PPDPFL: variants seen among roughly 807,000 people sequenced by gnomAD.
PPDPFL encodes the protein pancreatic progenitor cell differentiation and proliferation factor-like protein.
PPDPFL carries 12 observed loss-of-function variants against 12.6 expected under a neutral mutation model. The ratio of observed to expected loss-of-function variants is 0.95; its 90% CI spans 0.61 to 1.54. PPDPFL has a LOEUF of 1.54. Among genes scored for constraint, PPDPFL ranks in the 40% most tolerant of loss-of-function variants. The pLI is 0.00. For synonymous variants in PPDPFL, 24 were observed against 32.7 expected, an observed-to-expected ratio of 0.73 and a Z score of 0.91; for missense variants, 114 against 96.0, an observed-to-expected ratio of 1.19 and a Z score of -0.78.
upstream of PPDPFL, among the ~76,000 whole-genome samples, chr8:49,071,277 C>T (rs2129245667): frequency 6.6e-6 from 1 of 152,340 alleles, no homozygotes; most frequent in South Asian, 2.1e-4. Flanking sequence ...CCAATAGCCA[C>T]TGAACAAATC....
chr8:49,057,480 T>A (rs912263483), intron 1 of PPDPFL, among the ~76,000 whole-genome samples: 5 of 152,174 alleles, frequency 3.3e-5, no homozygotes, highest in African/African-American at 1.2e-4. Context: ...TACAAAATAA[T>A]ATGAGTGAGT....
At chr8:49,059,690 T>G (rs1585669976) in intron 1 of PPDPFL, among the ~76,000 whole-genome samples, 1 of 152,350 alleles carries the variant, frequency 6.6e-6, no homozygotes, top group East Asian at 1.9e-4. Flanking sequence ...TTTAGAAAAT[T>G]GTCTATGATT....
At chr8:49,070,896 C>A (rs1808374248), upstream of PPDPFL, among the ~76,000 whole-genome samples, 1 of 151,948 alleles carries the variant, frequency 6.6e-6, no homozygotes, top group Non-Finnish European at 1.5e-5. Context: ...GTTAAGAGCA[C>A]CTGAAATCTG....
intron 1 of PPDPFL, among the ~76,000 whole-genome samples, chr8:49,056,967 A>T (rs1808120537): frequency 6.6e-6 from 1 of 152,108 alleles, no homozygotes; most frequent in Admixed American, 6.6e-5. Flanking sequence ...ATGCACAGAT[A>T]CCCCGTTTCT....
intron 1 of PPDPFL, among the ~76,000 whole-genome samples, chr8:49,056,784 T>G (rs927117779): frequency 6.6e-6 from 1 of 152,204 alleles, no homozygotes; most frequent in Non-Finnish European, 1.5e-5. Flanking sequence ...AACTTTCCAT[T>G]TTGTGATAGA....
chr8:49,068,294 T>C (rs1377640879), upstream of PPDPFL, among the ~76,000 whole-genome samples: 1 of 152,134 alleles, frequency 6.6e-6, no homozygotes, highest in Non-Finnish European at 1.5e-5. Context: ...ACACAAAAAC[T>C]AGGGTCAGGT....
At chr8:49,071,641 G>A (rs1315200078), upstream of PPDPFL, among the ~76,000 whole-genome samples, 1 of 151,784 alleles carries the variant, frequency 6.6e-6, no homozygotes, top group African/African-American at 2.4e-5. Context: ...GGGCGACAGA[G>A]TGAGACTCCG....
At chr8:49,057,354 G>A (rs1456034833) in intron 1 of PPDPFL, among the ~76,000 whole-genome samples, 2 of 151,986 alleles carry the variant, frequency 1.3e-5, no homozygotes, top group African/African-American at 4.8e-5. Flanking sequence ...TTTATCTCTT[G>A]TATGAAAAAT....
At chr8:49,064,163 G>A (rs1196728137) in intron 1 of PPDPFL, among the ~76,000 whole-genome samples, 1 of 152,070 alleles carries the variant, frequency 6.6e-6, no homozygotes, top group Non-Finnish European at 1.5e-5. Context: ...TCATTCCCAG[G>A]TACAGCCAAG....
At position 49,075,589 on chromosome 8, in the gene PPDPFL, TAA is replaced by T. The variant is rs1808483703; in HGVS notation, c.*417_*418del. On this transcript the variant is annotated 3_prime_UTR_variant, in exon 5 of 5. Transcript: ENST00000522267. ...TTATATCATTTTTATTAAAAAAACT[TAA>T]GTTAGACTCTTTTTCTGTCTGTTGA... 2 of 305,898 alleles carry T rather than the reference TAA, an allele frequency of 6.5e-6. No individual in the cohort carries two copies. The highest frequency in any genetic ancestry group is 6.4e-5 in the East Asian group (1 of 15,564). 18.9% of individuals were successfully genotyped at this position (305,898 alleles called of 1,614,324 possible).
intron 4 of PPDPFL, chr8:49,074,930 G>A (rs1563302410): frequency 1.5e-6 from 2 of 1,379,068 alleles, no homozygotes; most frequent in East Asian, 2.5e-5. Flanking sequence ...AGATGCCAAT[G>A]TTGAAATATA....
chr8:49,075,030 C>T (rs1585677640), intron 4 of PPDPFL, 122 bp from the exon 5 acceptor site: 1 of 1,462,706 alleles, frequency 6.8e-7, no homozygotes, highest in East Asian at 2.5e-5. Context: ...AAAGCCAATG[C>T]AAGATTGATT....
chr8:49,056,543 A>G (rs2129243223), intron 1 of PPDPFL, among the ~76,000 whole-genome samples: 1 of 152,318 alleles, frequency 6.6e-6, no homozygotes, highest in South Asian at 2.1e-4. Flanking sequence ...TTCACATCAT[A>G]ATAAGCCCTG....
chr8:49,065,912 C>G (rs1808291992), intron 1 of PPDPFL, among the ~76,000 whole-genome samples: 1 of 152,208 alleles, frequency 6.6e-6, no homozygotes, highest in East Asian at 1.9e-4. Flanking sequence ...TCTCTTATAA[C>G]AATAAGAACA....
chr8:49,058,027 C>A (rs1808139033), intron 1 of PPDPFL, among the ~76,000 whole-genome samples: 1 of 151,954 alleles, frequency 6.6e-6, no homozygotes, highest in Admixed American at 6.6e-5. Flanking sequence ...TTTTCCTTAC[C>A]TCAGCACATT....
chr8:49,071,420 G>A (rs1405901135), upstream of PPDPFL, among the ~76,000 whole-genome samples: 1 of 152,172 alleles, frequency 6.6e-6, no homozygotes, highest in East Asian at 1.9e-4. Flanking sequence ...CACTTTGGGA[G>A]GCTGAGGCGG....
chr8:49,064,210 C>G (rs1419406911), intron 1 of PPDPFL, among the ~76,000 whole-genome samples: 1 of 152,156 alleles, frequency 6.6e-6, no homozygotes, highest in Admixed American at 6.5e-5. Context: ...TGGAACTGCA[C>G]CTTTCCCACA....
chr8:49,062,430 A>G (rs1160647125), intron 1 of PPDPFL, among the ~76,000 whole-genome samples: 3 of 152,206 alleles, frequency 2.0e-5, no homozygotes, highest in Non-Finnish European at 2.9e-5. Context: ...AGTAATGTGC[A>G]TGCTGGAGTG....
chr8:49,056,279 G>A (rs969876216), intron 1 of PPDPFL, among the ~76,000 whole-genome samples: 1 of 152,056 alleles, frequency 6.6e-6, no homozygotes, highest in Admixed American at 6.6e-5. Flanking sequence ...ACCCTTCCTT[G>A]CTGTTCTTGT....
Sources: allele counts gnomAD v4.1 joint callset (sites outside exome capture counted in the v4.1 genomes callset), GRCh38; gene constraint gnomAD v4.1.1; transcripts MANE v1.5; gene names NCBI Gene and HGNC (gene_info 2026-07-23, HGNC 2026-07-21).